CFAP47: variants seen among roughly 807,000 people sequenced by gnomAD.
The protein encoded by CFAP47 is cilia- and flagella-associated protein 47.
A neutral mutation model predicts 148.1 loss-of-function variants in CFAP47; 29 were observed. That is an observed-to-expected ratio of 0.20 (90% CI 0.15 to 0.27). CFAP47 has a LOEUF of 0.27. CFAP47 is among the 10% of genes least tolerant of loss of function. CFAP47 has a pLI of 1.00. For missense variants in CFAP47, 1,872 were observed against 1,697.5 expected, an observed-to-expected ratio of 1.10 and a Z score of -1.81; for synonymous variants, 664 against 577.3, an observed-to-expected ratio of 1.15 and a Z score of -2.15.
intron 26 of CFAP47, among the ~76,000 whole-genome samples, chrX:36,051,758 G>A (rs1415626078): frequency 9.0e-6 from 1 of 110,958 alleles, no homozygotes; most frequent in Non-Finnish European, 1.9e-5. Context: ...CATGAGATTT[G>A]AGAGGGGCCA....
intron 27 of CFAP47, among the ~76,000 whole-genome samples, chrX:36,067,605 C>T (rs1937660167): frequency 9.0e-6 from 1 of 110,852 alleles, no homozygotes; most frequent in Non-Finnish European, 1.9e-5. Flanking sequence ...GTTCTCCTTC[C>T]TCCTACAATG....
At chrX:36,181,822 A>G (rs1232435521) in intron 40 of CFAP47, among the ~76,000 whole-genome samples, 3 of 112,380 alleles carry the variant, frequency 2.7e-5, no homozygotes, top group Admixed American at 9.4e-5. Flanking sequence ...GGCAATTCTT[A>G]TAAAGGCAAA....
At chrX:36,274,929 T>C (rs1382114281) in intron 49 of CFAP47, among the ~76,000 whole-genome samples, 1 of 111,785 alleles carries the variant, frequency 8.9e-6, no homozygotes, top group Non-Finnish European at 1.9e-5. Flanking sequence ...AGGAAGAGCT[T>C]TCTGTCTTAT....
intron 45 of CFAP47, among the ~76,000 whole-genome samples, chrX:36,210,596 A>G (rs782565831): frequency 8.9e-6 from 1 of 112,369 alleles, no homozygotes; most frequent in African/African-American, 3.2e-5. Context: ...TATATCTCAG[A>G]TACAATATCT....
At chrX:36,118,911 C>G (rs1276509431) in intron 33 of CFAP47, among the ~76,000 whole-genome samples, 3 of 111,993 alleles carry the variant, frequency 2.7e-5, no homozygotes, top group Non-Finnish European at 5.6e-5. Context: ...CTGATTTGTA[C>G]TTGTTGATTT....
chrX:35,935,046 A>C (rs1935889695), intron 2 of CFAP47, among the ~76,000 whole-genome samples: 1 of 111,046 alleles, frequency 9.0e-6, no homozygotes, highest in African/African-American at 3.3e-5. Flanking sequence ...GGGTTGGCAC[A>C]AGCACTCCCC....
chrX:36,311,176 A>T (rs1941391420), intron 56 of CFAP47, among the ~76,000 whole-genome samples, 187 bp downstream of exon 56: 1 of 111,355 alleles, frequency 9.0e-6, no homozygotes, highest in Non-Finnish European at 1.9e-5. Flanking sequence ...TCATAATGGT[A>T]CAGAATCAGA....
At chrX:36,072,784 A>G (rs1194281655) in intron 28 of CFAP47, among the ~76,000 whole-genome samples, 2 of 111,733 alleles carry the variant, frequency 1.8e-5, no homozygotes, top group African/African-American at 6.5e-5. Context: ...TTCAGATGAG[A>G]TTAAATTTTT....
intron 18 of CFAP47, among the ~76,000 whole-genome samples, chrX:35,996,907 GGTT>G (rs1936853938): frequency 1.8e-5 from 2 of 111,764 alleles, no homozygotes; most frequent in African/African-American, 3.2e-5. Flanking sequence ...TTACTATTAT[GGTT>G]GTTGTGCATA....
At chrX:36,190,664 C>A (rs186688417) in intron 42 of CFAP47, among the ~76,000 whole-genome samples, 1,454 of 111,879 alleles carry the variant, frequency 0.013, 13 homozygotes, top group African/African-American at 0.044. Flanking sequence ...AACTTGTTGG[C>A]AAAATTCATT....
At chrX:36,143,500 G>T (rs774829791) in intron 35 of CFAP47, among the ~76,000 whole-genome samples, 1 of 111,812 alleles carries the variant, frequency 8.9e-6, no homozygotes, top group East Asian at 2.8e-4. Flanking sequence ...TTAAGTCATA[G>T]CAGACCTTCA....
At position 36,385,023 on chromosome X, in the gene CFAP47, A is replaced by G. The variant is rs1556024957; in HGVS notation, c.*17A>G. On this transcript the variant is annotated 3_prime_UTR_variant, in exon 64 of 64. Transcript: ENST00000378653. ...AATCAATAAAATTTTTTTCCAAAAT[A>G]TTTCTTGGTCTCAGGTAGAACTTTG... 9.5e-7 allele frequency: 1 copy of G among 1,050,840 alleles called. No individual in the cohort carries two copies. Among genetic ancestry groups the G allele is most frequent in the Non-Finnish European group, 1.3e-6 (1 of 767,945 alleles). 86.6% of individuals were successfully genotyped at this position (1,050,840 alleles called of 1,213,427 possible). A position where few individuals can be genotyped will look rare whatever the true frequency, so the allele number is the denominator to read the frequency against.
intron 33 of CFAP47, among the ~76,000 whole-genome samples, chrX:36,117,846 G>GT (rs932603344): frequency 2.7e-5 from 3 of 111,488 alleles, no homozygotes; most frequent in Non-Finnish European, 5.7e-5. Flanking sequence ...TTTTCCTTAA[G>GT]TTTTTTTGTA....
At chrX:36,363,890 G>A (rs373109957) in intron 61 of CFAP47, among the ~76,000 whole-genome samples, 3 of 111,504 alleles carry the variant, frequency 2.7e-5, no homozygotes, top group South Asian at 3.7e-4. Flanking sequence ...ATACAAAAGC[G>A]TATGAGAACA....
chrX:36,039,785 T>G (rs1937381747), intron 25 of CFAP47, among the ~76,000 whole-genome samples: 3 of 111,921 alleles, frequency 2.7e-5, no homozygotes, highest in African/African-American at 9.8e-5. Flanking sequence ...CAACATGGTG[T>G]ACAACTAATT....
At chrX:36,313,212 A>G (rs1217533549) in intron 56 of CFAP47, among the ~76,000 whole-genome samples, 1 of 111,547 alleles carries the variant, frequency 9.0e-6, no homozygotes, top group Non-Finnish European at 1.9e-5. Context: ...ATAAAGAAAT[A>G]CCTGAGAATT....
At chrX:36,340,325 A>G (rs1434410139) in intron 57 of CFAP47, among the ~76,000 whole-genome samples, 1 of 111,977 alleles carries the variant, frequency 8.9e-6, no homozygotes, top group Non-Finnish European at 1.9e-5. Context: ...CAGCCATGCC[A>G]CAGACTCAGG....
chrX:36,003,573 A>AT (rs1001049030), intron 21 of CFAP47, among the ~76,000 whole-genome samples: 14 of 109,517 alleles, frequency 1.3e-4, no homozygotes, highest in African/African-American at 3.3e-4. Flanking sequence ...AGTCCTCAGC[A>AT]TTTTTTTTTA....
chrX:36,236,808 A>T lies in CFAP47; in HGVS notation c.7281A>T (p.Thr2427=). 1.9e-6 allele frequency: 1 copy of T among 513,680 alleles called. No homozygotes were observed. Among genetic ancestry groups the T allele is most frequent in the Non-Finnish European group, 3.5e-6 (1 of 282,208 alleles). The allele number at this position is 513,680 out of a possible 1,213,427, so 42.3% of individuals were successfully genotyped here. Residue 2427 remains threonine (T), a synonymous_variant, in exon 48 of 64, where the codon ACA becomes ACT. Coordinates refer to ENST00000378653, the MANE Select transcript of CFAP47 (RefSeq NM_001304548.2). ...TGGAATGTCAAGTGGGGAATGTGACACAAAAGCATATAACATTGCCTCATT... is the reference window on the plus strand; with the variant it reads ...TGGAATGTCAAGTGGGGAATGTGACTCAAAAGCATATAACATTGCCTCATT... The part of the protein sequence containing the change: ...ITVECQVGNV[T]QKHITLPHFT...
Sources: allele counts gnomAD v4.1 joint callset (sites outside exome capture counted in the v4.1 genomes callset), GRCh38; gene constraint gnomAD v4.1.1; transcripts MANE v1.5; gene names NCBI Gene and HGNC (gene_info 2026-07-23, HGNC 2026-07-21).